CCNH: variants seen among roughly 807,000 people sequenced by gnomAD.
CCNH encodes the protein cyclin-H.
Under a neutral mutation model 41.9 loss-of-function variants are expected in CCNH, and 31 were observed. That is an observed-to-expected ratio of 0.74 (90% CI 0.56 to 1.00). The LOEUF is 1.00. Among genes scored for constraint, CCNH ranks in the 50% least tolerant of loss-of-function variants. The probability of loss-of-function intolerance (pLI) is 0.00; values close to 1 mark genes in which losing one functional copy is unlikely to be tolerated. For synonymous variants in CCNH, 138 were observed against 136.1 expected, an observed-to-expected ratio of 1.01 and a Z score of -0.10; for missense variants, 362 against 388.4, an observed-to-expected ratio of 0.93 and a Z score of 0.57.
intron 7 of CCNH, among the ~76,000 whole-genome samples, chr5:87,397,158 ATTTTTTTTTTGTT>A (rs903099622): frequency 1.0e-4 from 15 of 148,650 alleles, no homozygotes; most frequent in African/African-American, 3.5e-4. Context: ...GTGTTTCATA[ATTTTTTTTTTGTT>A]TTTTTTTTTG....
chr5:87,394,648 G>GTCTC, intron 8 of CCNH, 164 bp from the exon 9 acceptor site: 1 of 1,426,718 alleles, frequency 7.0e-7, no homozygotes. Flanking sequence ...TGTTGGCATG[G>GTCTC]TCTCACCAGA....
chr5:87,380,671 T>C (rs1213834030), upstream of CCNH: 10 of 1,272,460 alleles, frequency 7.9e-6, no homozygotes, highest in Admixed American at 1.7e-5. Flanking sequence ...AATAACAATA[T>C]ACAATTCAAT....
chr5:87,313,582 A>G (rs1270433632), downstream of CCNH, among the ~76,000 whole-genome samples: 4 of 152,214 alleles, frequency 2.6e-5, no homozygotes, highest in Non-Finnish European at 5.9e-5. Context: ...GCCATGTGCT[A>G]GACTAGAGAA....
At chr5:87,410,706 C>CA (rs2112583895) in intron 2 of CCNH, among the ~76,000 whole-genome samples, 1 of 152,052 alleles carries the variant, frequency 6.6e-6, no homozygotes, top group African/African-American at 2.4e-5. Context: ...CCCACCCCAG[C>CA]AAAAAACAAA....
chr5:87,374,240 C>A, downstream of CCNH: 1 of 1,596,782 alleles, frequency 6.3e-7, no homozygotes, highest in Non-Finnish European at 8.5e-7. Flanking sequence ...ATTGTAACAT[C>A]TACCTGAATA....
At chr5:87,318,315 CAAT>C (rs1345474672), downstream of CCNH, 1 of 152,028 alleles carries the variant, frequency 6.6e-6, no homozygotes, top group Non-Finnish European at 1.5e-5. Flanking sequence ...TAAAAAAGTA[CAAT>C]GAGATAGAGG....
intron 8 of CCNH, chr5:87,394,842 G>A: frequency 7.3e-7 from 1 of 1,369,542 alleles, no homozygotes; most frequent in Non-Finnish European, 9.4e-7. Flanking sequence ...ACACAGGAAG[G>A]ATTCTTCATT....
At chr5:87,389,932 T>C (rs73158009), downstream of CCNH, among the ~76,000 whole-genome samples, 3,309 of 152,258 alleles carry the variant, frequency 0.022, 124 homozygotes, top group African/African-American at 0.075. Context: ...TGATTATTAT[T>C]TGGGATGTTT....
At chr5:87,333,404 TG>T in intron 9 of CCNH, 1 of 1,589,936 alleles carries the variant, frequency 6.3e-7, no homozygotes, top group Non-Finnish European at 8.5e-7. Flanking sequence ...TTATTACTCT[TG>T]GACTAGGAAG....
intron 9 of CCNH, among the ~76,000 whole-genome samples, chr5:87,353,406 T>C (rs1759426017): frequency 6.6e-6 from 1 of 152,110 alleles, no homozygotes; most frequent in East Asian, 1.9e-4. Context: ...TTTATCTATG[T>C]TGATTTTAGG....
intron 9 of CCNH, among the ~76,000 whole-genome samples, chr5:87,351,904 T>C (rs1027803818): frequency 6.6e-6 from 1 of 151,812 alleles, no homozygotes; most frequent in Non-Finnish European, 1.5e-5. Flanking sequence ...AGTGGATTGA[T>C]TGTATTTTAC....
At chr5:87,412,491 A>T (rs1357437080) in intron 1 of CCNH, 187 bp downstream of exon 1, 4 of 1,424,306 alleles carry the variant, frequency 2.8e-6, no homozygotes, top group African/African-American at 1.4e-5. Context: ...GACGACGGGG[A>T]TGGCGTTGTT....
intron 9 of CCNH, among the ~76,000 whole-genome samples, chr5:87,345,977 T>C (rs567301604): frequency 3.3e-5 from 5 of 152,164 alleles, no homozygotes; most frequent in Non-Finnish European, 7.4e-5. Context: ...AAATCAGATA[T>C]ATCCTTTTAT....
At chr5:87,394,542 C>CAAA in intron 8 of CCNH, 58 bp from the exon 9 acceptor site, 1 of 1,597,686 alleles carries the variant, frequency 6.3e-7, no homozygotes. Context: ...GTATTGTTTA[C>CAAA]CTCTTACCTC....
chr5:87,384,415 T>A (rs1400423207), intron 9 of CCNH, among the ~76,000 whole-genome samples: 1 of 152,134 alleles, frequency 6.6e-6, no homozygotes, highest in Admixed American at 6.6e-5. Context: ...TTATAAACAG[T>A]AGGAACTGGA....
intron 9 of CCNH, chr5:87,332,461 T>C: frequency 3.2e-6 from 5 of 1,542,660 alleles, no homozygotes; most frequent in Non-Finnish European, 3.6e-6. Context: ...TTTTTAAAAT[T>C]GGCTGTAAAG....
At chr5:87,409,733 G>A (rs576052194) in intron 2 of CCNH, among the ~76,000 whole-genome samples, 3 of 151,938 alleles carry the variant, frequency 2.0e-5, no homozygotes, top group Admixed American at 2.0e-4. Flanking sequence ...AACGTTCACA[G>A]ATTAACCAAT....
intron 9 of CCNH, chr5:87,349,141 GTAA>G: frequency 6.5e-7 from 1 of 1,537,810 alleles, no homozygotes; most frequent in South Asian, 1.1e-5. Context: ...AATGCACTTT[GTAA>G]TAATACTACT....
chr5:87,328,149 A>G (rs953373593), intron 9 of CCNH, among the ~76,000 whole-genome samples: 1 of 152,190 alleles, frequency 6.6e-6, no homozygotes, highest in African/African-American at 2.4e-5. Context: ...TATTATTGCT[A>G]TGTGCCAGGT....
Sources: gnomAD v4.1 joint callset for allele counts (sites outside exome capture counted in the v4.1 genomes callset) on GRCh38, gnomAD v4.1.1 for gene constraint, MANE v1.5 for transcripts, NCBI Gene and HGNC (gene_info 2026-07-23, HGNC 2026-07-21) for gene names.